PCDHGA3: variants seen among roughly 807,000 people sequenced by gnomAD.
PCDHGA3 encodes the protein protocadherin gamma subfamily A, 3, also known as protocadherin gamma-A3.
A neutral mutation model predicts 58.5 loss-of-function variants in PCDHGA3; 40 were observed. That is an observed-to-expected ratio of 0.68 (90% confidence interval 0.53 to 0.89). The LOEUF (loss-of-function observed/expected upper bound fraction) is 0.89. Among genes scored for constraint, PCDHGA3 ranks in the 40% least tolerant of loss-of-function variants. The probability of loss-of-function intolerance (pLI) is 0.00; values close to 1 mark genes in which losing one functional copy is unlikely to be tolerated. For missense variants in PCDHGA3, 1,223 were observed against 1,195.9 expected, an observed-to-expected ratio of 1.02 and a Z score of -0.33; for synonymous variants, 530 against 525.7, an observed-to-expected ratio of 1.01 and a Z score of -0.11.
rs994324285 is a variant in PCDHGA3 at position 141,455,094 on chromosome 5, G to A, written c.2425-39713G>A. Among the ~76,000 whole-genome samples the A allele has an allele frequency of 3.3e-5, 5 of 152,104 alleles. No individual in the cohort carries two copies. In the Middle Eastern group the frequency reaches 0.014, roughly 414 times the overall value. ...CCCAAAGTGCTGGGATTACAGGCTT[G>A]AGCCACTGCGCCCGGTGGGTCTAAT... On this transcript the variant is annotated intron_variant, in intron 1 of 3. Coordinates refer to ENST00000253812, the MANE Select transcript of PCDHGA3 (RefSeq NM_018916.4).
intron 1 of PCDHGA3, among the ~76,000 whole-genome samples, chr5:141,358,249 C>A (rs1467054319): frequency 2.0e-5 from 3 of 152,134 alleles, no homozygotes; most frequent in African/African-American, 4.8e-5. Flanking sequence ...CTTAGGTGTT[C>A]CTGAAAAGAT....
rs912402706 is a variant in PCDHGA3, at chr5:141,362,030, T to G, written c.2424+15573T>G. On this transcript the variant is annotated intron_variant, in intron 1 of 3. Coordinates refer to ENST00000253812, the MANE Select transcript of PCDHGA3 (RefSeq NM_018916.4). ...GGTGAGGTGCGCACAGCGCGTGCCTTGGGCGACAGGGACGCGGCCCGCCAG... is the reference window on the plus strand; with the variant it reads ...GGTGAGGTGCGCACAGCGCGTGCCTGGGGCGACAGGGACGCGGCCCGCCAG... 6 of 1,608,644 alleles carry G rather than the reference T, an allele frequency of 3.7e-6. No individual in the cohort carries two copies. In the African/African-American group the frequency reaches 5.3e-5, roughly 14 times the overall value.
intron 1 of PCDHGA3, chr5:141,370,869 G>C: frequency 6.2e-7 from 1 of 1,614,036 alleles, no homozygotes. Context: ...ATCTGCGCAA[G>C]ATCCTGATGT....
At chr5:141,358,825 T>C (rs1761033525) in intron 1 of PCDHGA3, among the ~76,000 whole-genome samples, 1 of 152,232 alleles carries the variant, frequency 6.6e-6, no homozygotes, top group Non-Finnish European at 1.5e-5. Flanking sequence ...CTTAGTAAGG[T>C]GGCCTCATCC....
chr5:141,421,538 T>A, intron 1 of PCDHGA3: 2 of 1,614,028 alleles, frequency 1.2e-6, no homozygotes, highest in Non-Finnish European at 1.7e-6. Context: ...TCCTCCTGTT[T>A]TTTAAATATG....
rs761106133 is a variant in PCDHGA3 at position 141,432,117 on chromosome 5, C to A, written c.2425-62690C>A. 1 of 1,614,180 alleles carries A rather than the reference C, an allele frequency of 6.2e-7. No individual in the cohort carries two copies. Among genetic ancestry groups the A allele is most frequent in the Admixed American group, 1.7e-5 (1 of 60,024 alleles). ...ACCAACGACAACCCGCCGGTCTTCC[C>A]TCAGGCCTCCTATTCCGCTTATATC... On this transcript the variant is annotated intron_variant, in intron 1 of 3. Transcript: ENST00000253812. The surrounding 1 kb of genome is among the most constrained non-coding windows in gnomAD (Gnocchi z 6.0).
In PCDHGA3 at chr5:141,487,135, A is replaced by T; in HGVS notation, c.2425-7672A>T. 6.2e-7 allele frequency: 1 copy of T among 1,613,544 alleles called. No individual in the cohort carries two copies. The highest frequency in any genetic ancestry group is 8.5e-7 in the Non-Finnish European group (1 of 1,179,856). ...TGGTAAAGGATAGTGGTAGTCCACC[A>T]CTCTCTACCTCTGTTACTCTCTTAG... On this transcript the variant is annotated intron_variant, in intron 1 of 3. Transcript: ENST00000253812. The surrounding 1 kb of genome is among the most constrained non-coding windows in gnomAD (Gnocchi z 5.0).
intron 1 of PCDHGA3, chr5:141,417,879 A>G (rs2096177010): frequency 7.1e-6 from 11 of 1,559,306 alleles, no homozygotes; most frequent in South Asian, 2.3e-5. Flanking sequence ...AGCTGCGCGC[A>G]GAGGCGCCGG....
At chr5:141,405,632 G>A (rs1487962714) in intron 1 of PCDHGA3, 9 of 530,162 alleles carry the variant, frequency 1.7e-5, no homozygotes, top group African/African-American at 1.2e-4. Flanking sequence ...GTGCCACCAC[G>A]CCCGGCTAAT....
chr5:141,434,727 A>C (rs1344107083), intron 1 of PCDHGA3, among the ~76,000 whole-genome samples: 1 of 152,052 alleles, frequency 6.6e-6, no homozygotes. Context: ...CAGGGCTCTC[A>C]GCTCTGAAGG....
At position 141,476,458 on chromosome 5, in the gene PCDHGA3, C is replaced by A. The variant is rs368153419; in HGVS notation, c.2425-18349C>A. Reference sequence around the variant, plus strand: ...TAACTCTGGAGTTGGTAGTGGAGAACCCGCTGGAGCTGTTCAGCGTGGAAG... The same window carrying A: ...TAACTCTGGAGTTGGTAGTGGAGAAACCGCTGGAGCTGTTCAGCGTGGAAG... On this transcript the variant is annotated intron_variant, in intron 1 of 3. Transcript: ENST00000253812. This position sits in a 1 kb window ranked among gnomAD's most constrained non-coding sequence, Gnocchi z 7.6. 1 of 1,613,928 alleles carries A rather than the reference C, an allele frequency of 6.2e-7. No individual in the cohort carries two copies. Among genetic ancestry groups the A allele is most frequent in the Non-Finnish European group, 8.5e-7 (1 of 1,180,022 alleles).
In PCDHGA3 at chr5:141,389,747, G is replaced by C. The variant is rs766506538; in HGVS notation, c.2424+43290G>C. 6 of 1,612,724 alleles carry C rather than the reference G, an allele frequency of 3.7e-6. No individual in the cohort carries two copies. The South Asian group carries it at 4.4e-5, about 12-fold the overall frequency. ...GGCTCTTCAGCCTGGGGCTGCGCAC[G>C]GGCGAAGTGCGCACAGCGCGTGCCT... is the stretch of plus-strand genomic sequence containing the variant. On this transcript the variant is annotated intron_variant, in intron 1 of 3. Coordinates refer to ENST00000253812, the MANE Select transcript of PCDHGA3 (RefSeq NM_018916.4).
At position 141,494,820 on chromosome 5, in the gene PCDHGA3, A is replaced by G; in HGVS notation, c.2438A>G (p.Asn813Ser). ...TTTTCTCCACAGCAAGCCCCGCCCA[A>G]CACGGACTGGCGTTTCTCTCAGGCC... ...DSNLLQQAPP[N>S]TDWRFSQAQR... Residue 813 changes from asparagine to serine, a missense_variant, in exon 2 of 4, where the codon AAC becomes AGC. By Grantham distance (46) the Asn-to-Ser change is conservative. Around this residue, in one of 3 missense-constraint regions of PCDHGA3, gnomAD observed 325 missense variants for 327.5 expected, o/e 0.99. Transcript: ENST00000253812. 1.2e-6 allele frequency: 2 copies of G among 1,613,988 alleles called. No individual in the cohort carries two copies. Among genetic ancestry groups the G allele is most frequent in the Middle Eastern group, 1.6e-4 (1 of 6,062 alleles).
intron 1 of PCDHGA3, chr5:141,414,320 A>G: frequency 1.9e-6 from 3 of 1,613,840 alleles, no homozygotes; most frequent in Middle Eastern, 1.6e-4. Flanking sequence ...GACTCTGAGC[A>G]GAATGGACAG....
At chr5:141,427,773 C>T (rs1285483564) in intron 1 of PCDHGA3, 1 of 1,414,460 alleles carries the variant, frequency 7.1e-7, no homozygotes, top group Non-Finnish European at 9.9e-7. Flanking sequence ...CTTGGAGCTG[C>T]GGGCACTGTC....
intron 1 of PCDHGA3, chr5:141,394,811 C>T (rs1225635250): frequency 6.2e-7 from 1 of 1,613,888 alleles, no homozygotes; most frequent in African/African-American, 1.3e-5. Flanking sequence ...CCGTGGCTGA[C>T]AGCATCCCCG....
intron 1 of PCDHGA3, chr5:141,400,635 TG>T: frequency 7.3e-7 from 1 of 1,373,110 alleles, no homozygotes; most frequent in Non-Finnish European, 1.0e-6. Flanking sequence ...AAGTCAGAGC[TG>T]CTCAGAAAGC....
intron 1 of PCDHGA3, chr5:141,419,822 T>A: frequency 6.2e-7 from 1 of 1,614,058 alleles, no homozygotes; most frequent in Non-Finnish European, 8.5e-7. Flanking sequence ...GCCACCCCTT[T>A]CAGCCACTGC....
rs1372368815 is a variant in PCDHGA3 at position 141,491,370 on chromosome 5, C to T, written c.2425-3437C>T. 3 of 1,614,038 alleles carry T rather than the reference C, an allele frequency of 1.9e-6. No individual in the cohort carries two copies. The highest frequency in any genetic ancestry group is 2.2e-5 in the East Asian group (1 of 44,880). ...GTCTCTTATCCCTAGTCACCTTCAC[C>T]TTTCTGTCAGCGAAGTGCCTTCAGG... On this transcript the variant is annotated intron_variant, in intron 1 of 3. Transcript: ENST00000253812. The surrounding 1 kb of genome is among the most constrained non-coding windows in gnomAD (Gnocchi z 6.9).
Sources: gnomAD v4.1 joint callset for allele counts (sites outside exome capture counted in the v4.1 genomes callset) on GRCh38, gnomAD v4.1.1 for gene constraint, gnomAD v4.1.1 regional missense constraint, Gnocchi (gnomAD v3.1) non-coding constraint, MANE v1.5 for transcripts, NCBI Gene and HGNC (gene_info 2026-07-23, HGNC 2026-07-21) for gene names.